RANBP2: variants seen among roughly 807,000 people sequenced by gnomAD.
RANBP2 encodes RAN binding protein 2.
Under a neutral mutation model 303.6 loss-of-function variants are expected in RANBP2, and 57 were observed. That is an observed-to-expected ratio of 0.19 (90% CI 0.15 to 0.23). RANBP2 has a LOEUF of 0.23. Among genes scored for constraint, RANBP2 ranks in the 10% least tolerant of loss-of-function variants. The pLI is 1.00. For synonymous variants in RANBP2, 1,167 were observed against 1,301.5 expected, an observed-to-expected ratio of 0.90 and a Z score of 2.23; for missense variants, 3,138 against 3,780.8, an observed-to-expected ratio of 0.83 and a Z score of 4.46.
the RANBP2 span, among the ~76,000 whole-genome samples, chr2:108,933,474 T>G: frequency 6.6e-6 from 1 of 152,112 alleles, no homozygotes; most frequent in Non-Finnish European, 1.5e-5. Context: ...AGCACAGCAG[T>G]GGTCCTGGGT....
the RANBP2 span, among the ~76,000 whole-genome samples, chr2:109,271,576 A>G: frequency 3.3e-5 from 5 of 152,234 alleles, no homozygotes; most frequent in Non-Finnish European, 4.4e-5. Flanking sequence ...TAACTATGGC[A>G]TCCCAGCCAG....
chr2:109,289,201 C>T, the RANBP2 span, among the ~76,000 whole-genome samples: 34 of 152,190 alleles, frequency 2.2e-4, no homozygotes, highest in African/African-American at 7.7e-4. Flanking sequence ...CCTTTCTCTG[C>T]TGTCATATGA....
At chr2:109,497,620 G>A in the RANBP2 span, among the ~76,000 whole-genome samples, 1 of 152,160 alleles carries the variant, frequency 6.6e-6, no homozygotes, top group African/African-American at 2.4e-5. Context: ...ACACGACAAC[G>A]GCGCTCTGTG....
chr2:109,632,973 G>A, the RANBP2 span, among the ~76,000 whole-genome samples: 4 of 152,184 alleles, frequency 2.6e-5, no homozygotes, highest in East Asian at 3.9e-4. Flanking sequence ...TATTGTACTC[G>A]CGCTCTGTGG....
At chr2:108,807,439 A>G in the RANBP2 span, among the ~76,000 whole-genome samples, 9 of 152,198 alleles carry the variant, frequency 5.9e-5, no homozygotes, top group Non-Finnish European at 1.3e-4. Context: ...TGATACAGTA[A>G]TGTGTAATGA....
At chr2:108,752,937 G>T (rs948156563) in intron 12 of RANBP2, 61 bp from the exon 13 acceptor site, 4 of 1,607,122 alleles carry the variant, frequency 2.5e-6, no homozygotes, top group Non-Finnish European at 3.4e-6. Flanking sequence ...ACTTGTAAAT[G>T]AACTTTAGAT....
chr2:109,091,491 T>C, the RANBP2 span, among the ~76,000 whole-genome samples: 2 of 152,200 alleles, frequency 1.3e-5, no homozygotes, highest in Non-Finnish European at 2.9e-5. Flanking sequence ...ACTCCAGTCT[T>C]CTGTACAGCC....
chr2:108,815,944 C>T, the RANBP2 span: 3 of 1,603,488 alleles, frequency 1.9e-6, no homozygotes, highest in Admixed American at 3.5e-5. Context: ...CATATAGGTA[C>T]CACTTAATGG....
At chr2:109,676,192 G>T in the RANBP2 span, among the ~76,000 whole-genome samples, 1 of 152,186 alleles carries the variant, frequency 6.6e-6, no homozygotes, top group Admixed American at 6.5e-5. Context: ...CATGCGCTGG[G>T]AGAAGCCCTT....
At chr2:109,065,462 C>T in the RANBP2 span, among the ~76,000 whole-genome samples, 1 of 152,146 alleles carries the variant, frequency 6.6e-6, no homozygotes, top group African/African-American at 2.4e-5. Context: ...CCCGCAGCAT[C>T]CTGTGTAGAA....
the RANBP2 span, among the ~76,000 whole-genome samples, chr2:109,477,298 C>G: frequency 6.6e-6 from 1 of 152,218 alleles, no homozygotes; most frequent in South Asian, 2.1e-4. Flanking sequence ...CAGGCACAGC[C>G]TTCACGCCCA....
the RANBP2 span, among the ~76,000 whole-genome samples, chr2:109,472,021 G>A: frequency 3.3e-5 from 5 of 152,140 alleles, no homozygotes; most frequent in Non-Finnish European, 7.4e-5. Flanking sequence ...TGCACTGTGT[G>A]GCCCTGTAGC....
At chr2:109,312,162 C>A in the RANBP2 span, among the ~76,000 whole-genome samples, 1 of 152,070 alleles carries the variant, frequency 6.6e-6, no homozygotes, top group African/African-American at 2.4e-5. Context: ...TTCAGAACTC[C>A]AAATCTTACA....
the RANBP2 span, among the ~76,000 whole-genome samples, chr2:109,393,956 C>T: frequency 3.3e-5 from 5 of 151,970 alleles, no homozygotes; most frequent in Admixed American, 1.3e-4. Flanking sequence ...CTGTCGTGGA[C>T]CCAGCGCTGA....
At chr2:109,190,118 A>G in the RANBP2 span, among the ~76,000 whole-genome samples, 1 of 152,212 alleles carries the variant, frequency 6.6e-6, no homozygotes, top group African/African-American at 2.4e-5. Flanking sequence ...TGTGTAGGTG[A>G]ATATTAACAA....
the RANBP2 span, among the ~76,000 whole-genome samples, chr2:108,830,373 T>C: frequency 3.3e-5 from 5 of 152,212 alleles, no homozygotes; most frequent in East Asian, 7.7e-4. Flanking sequence ...CTTAATGCCA[T>C]TGGTAAATTT....
chr2:109,231,394 C>T, the RANBP2 span, among the ~76,000 whole-genome samples: 1 of 152,232 alleles, frequency 6.6e-6, no homozygotes, highest in Non-Finnish European at 1.5e-5. Context: ...TTCATGTTGG[C>T]AGCCTTAGAT....
At chr2:108,744,059 A>C (rs996443261) in intron 7 of RANBP2, among the ~76,000 whole-genome samples, 2 of 152,334 alleles carry the variant, frequency 1.3e-5, no homozygotes, top group African/African-American at 4.8e-5. Flanking sequence ...TAGTAAGTGC[A>C]TCTGCATTGC....
chr2:109,376,567 CAA>C, the RANBP2 span, among the ~76,000 whole-genome samples: 6 of 152,226 alleles, frequency 3.9e-5, no homozygotes, highest in African/African-American at 1.4e-4. Flanking sequence ...ACAGTAGACA[CAA>C]GTGTCAAGCT....
Sources: gnomAD v4.1 joint callset for allele counts (sites outside exome capture counted in the v4.1 genomes callset) on GRCh38, gnomAD v4.1.1 for gene constraint, MANE v1.5 for transcripts, NCBI Gene and HGNC (gene_info 2026-07-23, HGNC 2026-07-21) for gene names.